The following FRMD8 variants were observed in gnomAD, a reference collection of about 807,000 sequenced individuals.
FRMD8 encodes FERM domain containing 8.
A neutral mutation model predicts 54.2 loss-of-function variants in FRMD8; 37 were observed. The ratio of observed to expected loss-of-function variants is 0.68; its 90% CI spans 0.53 to 0.90. FRMD8 has a LOEUF of 0.90. FRMD8 is among the 40% of genes least tolerant of loss of function. The probability of loss-of-function intolerance (pLI) is 0.00; values close to 1 mark genes in which losing one functional copy is unlikely to be tolerated. For missense variants in FRMD8, 585 were observed against 653.7 expected (o/e 0.89, Z 1.15); for synonymous variants, 246 against 286.9 (o/e 0.86, Z 1.44).
At position 65,400,776 on chromosome 11, in the gene FRMD8, C is replaced by T; in HGVS notation, c.980C>T (p.Pro327Leu). 1 of 1,611,906 alleles carries T rather than the reference C, an allele frequency of 6.2e-7. No individual in the cohort carries two copies. The highest frequency in any genetic ancestry group is 1.1e-5 in the South Asian group (1 of 90,436). Residue 327 changes from proline to leucine, a missense_variant, in exon 9 of 11, where the codon CCC becomes CTC. Coordinates refer to ENST00000317568, the MANE Select transcript of FRMD8 (RefSeq NM_031904.5). This position sits in a 1 kb window ranked among gnomAD's most constrained non-coding sequence, Gnocchi z 4.3. ...FQELSWDHTS[P>L]EEEEPILWLE... Reference sequence around the variant, plus strand: ...GAGCTGTCGTGGGACCACACCTCCCCCGAGGAGGAGGAGCCCATCTTGTGG... The same window carrying T: ...GAGCTGTCGTGGGACCACACCTCCCTCGAGGAGGAGGAGCCCATCTTGTGG...
In FRMD8 at chr11:65,404,323, G is replaced by A. The variant is rs934666814; in HGVS notation, c.1072-541G>A. On this transcript the variant is annotated intron_variant, in intron 9 of 10. Coordinates refer to ENST00000317568, the MANE Select transcript of FRMD8 (RefSeq NM_031904.5). This position sits in a 1 kb window ranked among gnomAD's most constrained non-coding sequence, Gnocchi z 4.7. ...CAAACCCCTGAAGGCCCTGTCCTTGGTGCCCAGCTGTGCCCGCTGGCACCC... is the reference window on the plus strand; with the variant it reads ...CAAACCCCTGAAGGCCCTGTCCTTGATGCCCAGCTGTGCCCGCTGGCACCC... 2.0e-5 allele frequency among the ~76,000 whole-genome samples: 3 copies of A among 152,192 alleles called. No homozygotes were observed. Among genetic ancestry groups the A allele is most frequent in the Non-Finnish European group, 2.9e-5 (2 of 68,036 alleles).
At chr11:65,391,806 C>G (rs371580350) in intron 3 of FRMD8, among the ~76,000 whole-genome samples, 1 of 152,296 alleles carries the variant, frequency 6.6e-6, no homozygotes, top group African/African-American at 2.4e-5. Flanking sequence ...CCATCACGCC[C>G]GGCCACCATT....
At chr11:65,375,298 G>C in the FRMD8 span, 1 of 152,426 alleles carries the variant, frequency 6.6e-6, no homozygotes, top group African/African-American at 2.4e-5. Flanking sequence ...AGTCCAGTGG[G>C]GAAGCCGAGA....
rs766049299 is a variant in FRMD8, at chr11:65,405,058, C to T, written c.1266C>T (p.Tyr422=). 17 of 1,613,104 alleles carry T rather than the reference C, an allele frequency of 1.1e-5. No homozygotes were observed. Among genetic ancestry groups the T allele is most frequent in the Middle Eastern group, 3.3e-4 (2 of 6,082 alleles). Residue 422 remains tyrosine (Y), a synonymous_variant, in exon 10 of 11, where the codon TAC becomes TAT. Coordinates refer to ENST00000317568, the MANE Select transcript of FRMD8 (RefSeq NM_031904.5). ...SRIQHLSTID[Y]VEDGKGIRRV... ...TCCAGCATCTCTCCACCATCGACTA[C>T]GTGGAGGACGGTGAGCAGCCCTTCT...
At chr11:65,408,108 C>G (rs1856246597) in intron 10 of FRMD8, among the ~76,000 whole-genome samples, 2 of 144,790 alleles carry the variant, frequency 1.4e-5, no homozygotes, top group African/African-American at 5.1e-5. Context: ...GAGTTTCACT[C>G]TTGTTGCCCA....
rs1856283762 is a variant in FRMD8 at position 65,409,563 on chromosome 11, G to C, written c.1277-1679G>C. 3.9e-5 allele frequency among the ~76,000 whole-genome samples: 6 copies of C among 152,044 alleles called. No individual in the cohort carries two copies. In the South Asian group the frequency reaches 8.3e-4, roughly 21 times the overall value. On this transcript the variant is annotated intron_variant, in intron 10 of 10. Transcript: ENST00000317568. ...GAGGCAGGCAGATTGCTTGAGTCCA[G>C]GAGTCCAAGACCAGCCTGCGCAACA...
intron 9 of FRMD8, among the ~76,000 whole-genome samples, chr11:65,402,036 T>C (rs1008031619): frequency 1.3e-5 from 2 of 152,078 alleles, no homozygotes; most frequent in African/African-American, 4.8e-5. Flanking sequence ...CTCAATTGTT[T>C]CGGTGTCGTT....
the FRMD8 span, chr11:65,377,038 C>A: frequency 6.2e-7 from 1 of 1,614,032 alleles, no homozygotes; most frequent in African/African-American, 1.3e-5. Flanking sequence ...GGTTTTGTAG[C>A]CGGACTTTGA....
Position 65,404,748 on chromosome 11 carries a change from A to T in FRMD8, c.1072-116A>T. On this transcript the variant is annotated intron_variant, in intron 9 of 10. Coordinates refer to ENST00000317568, the MANE Select transcript of FRMD8 (RefSeq NM_031904.5). This position sits in a 1 kb window ranked among gnomAD's most constrained non-coding sequence, Gnocchi z 4.7. ...CTGCCTCCCTGCTCCCTCCCTCCTG[A>T]GTGATGTGTGTCCCCTCCCCTGCTT... 1 of 813,226 alleles carries T rather than the reference A, an allele frequency of 1.2e-6. No homozygotes were observed. The highest frequency in any genetic ancestry group is 1.7e-5 in the African/African-American group (1 of 59,046). 50.4% of individuals were successfully genotyped at this position (813,226 alleles called of 1,614,324 possible). A position where few individuals can be genotyped will look rare whatever the true frequency, so the allele number is the denominator to read the frequency against.
chr11:65,391,736 T>C (rs1855850448), intron 3 of FRMD8, among the ~76,000 whole-genome samples: 1 of 152,036 alleles, frequency 6.6e-6, no homozygotes. Context: ...GTCTCGAACT[T>C]CTGACCTCAA....
In FRMD8 at chr11:65,399,750, A is replaced by G; in HGVS notation, c.818A>G (p.His273Arg). 1 of 1,613,912 alleles carries G rather than the reference A, an allele frequency of 6.2e-7. No individual in the cohort carries two copies. The highest frequency in any genetic ancestry group is 8.5e-7 in the Non-Finnish European group (1 of 1,179,922). The change falls in exon 8 of 11, where the codon CAC (histidine) becomes CGC (arginine). Residue 273 changes from histidine (H) to arginine (R), a missense_variant. Physicochemically the swap from His to Arg is conservative, Grantham distance 29. Coordinates refer to ENST00000317568, the MANE Select transcript of FRMD8 (RefSeq NM_031904.5). ...ELPFYGCAFF[H>R]GEVDKPAQGF... ...CCCCTCCCCAGGTGTGCCTTCTTCC[A>G]CGGTGAGGTTGACAAGCCGGCCCAA...
At chr11:65,372,405 G>A in the FRMD8 span, among the ~76,000 whole-genome samples, 1 of 152,058 alleles carries the variant, frequency 6.6e-6, no homozygotes, top group Non-Finnish European at 1.5e-5. Context: ...CTTTGCCATG[G>A]ATTGGTGGAA....
At chr11:65,379,176 G>T in the FRMD8 span, 1 of 612,026 alleles carries the variant, frequency 1.6e-6, no homozygotes, top group Non-Finnish European at 2.8e-6. Flanking sequence ...CCCACCAGCT[G>T]TCTCTGCCTT....
At chr11:65,373,961 C>G in the FRMD8 span, among the ~76,000 whole-genome samples, 1 of 152,194 alleles carries the variant, frequency 6.6e-6, no homozygotes, top group Non-Finnish European at 1.5e-5. Flanking sequence ...ACTCACAGTA[C>G]CTTACCCACT....
the FRMD8 span, chr11:65,376,411 C>A: frequency 6.2e-7 from 1 of 1,612,712 alleles, no homozygotes; most frequent in Admixed American, 1.7e-5. Context: ...CAGGGCTCAT[C>A]CCCACCAGCG....
At chr11:65,394,515 G>A (rs1855909143) in intron 6 of FRMD8, 90 bp downstream of exon 6, 57 of 1,456,086 alleles carry the variant, frequency 3.9e-5, no homozygotes, top group Non-Finnish European at 5.0e-5. Context: ...GTCTCGCAAG[G>A]TGGGGGCAGG....
Position 65,396,817 on chromosome 11 carries a change from C to T in FRMD8, c.600C>T (p.Phe200=), listed in dbSNP as rs1483773069. The change falls in exon 7 of 11, where the codon TTC becomes TTT. Residue 200 remains phenylalanine, a synonymous_variant. Coordinates refer to ENST00000317568, the MANE Select transcript of FRMD8 (RefSeq NM_031904.5). The stretch of plus-strand genomic sequence containing the variant: ...TCCACAGGGAGAAGCTGGACTCCTT[C>T]CTCCCTGCCCACCTCTGTAAGCGGG... The part of the protein sequence containing the change: ...ACDLREKLDS[F]LPAHLCKRGQ... The T allele has an allele frequency of 7.1e-6, 11 of 1,550,056 alleles. No individual in the cohort carries two copies. Among genetic ancestry groups the T allele is most frequent in the African/African-American group, 4.2e-5 (3 of 71,994 alleles).
chr11:65,392,447 C>T (rs1855864842), intron 3 of FRMD8, among the ~76,000 whole-genome samples: 3 of 152,224 alleles, frequency 2.0e-5, no homozygotes, highest in Admixed American at 1.3e-4. Context: ...ACCCCGGTGA[C>T]GGACATCCCC....
chr11:65,386,794 C>CG (rs1477291182), intron 1 of FRMD8, 33 bp downstream of exon 1: 3 of 545,298 alleles, frequency 5.5e-6, no homozygotes, highest in Non-Finnish European at 9.7e-6. Flanking sequence ...CCCGGGCCTC[C>CG]GTCCCCGGCT....
Sources: gnomAD v4.1 joint callset for allele counts (sites outside exome capture counted in the v4.1 genomes callset) on GRCh38, gnomAD v4.1.1 for gene constraint, Gnocchi (gnomAD v3.1) non-coding constraint, MANE v1.5 for transcripts, NCBI Gene and HGNC (gene_info 2026-07-23, HGNC 2026-07-21) for gene names.